Variants in BPIFB6 observed in about 807,000 individuals in gnomAD.
BPIFB6 encodes the protein BPI fold containing family B member 6, also known as BPI fold-containing family B member 6.
BPIFB6 carries 47 observed loss-of-function variants against 54.7 expected under a neutral mutation model. The observed-to-expected ratio is 0.86, with a 90% CI of 0.68 to 1.10. The LOEUF is 1.10. Ranked by LOEUF, BPIFB6 falls within the 50% of genes least tolerant of loss-of-function variation. BPIFB6 has a pLI of 0.00. For missense variants in BPIFB6, 603 were observed against 564.1 expected (o/e 1.07, Z -0.70); for synonymous variants, 255 against 225.9 (o/e 1.13, Z -1.16).
rs775834459 is a variant in BPIFB6, at chr20:33,039,429, G to A, written c.983G>A (p.Gly328Asp). 16 of 1,614,070 alleles carry A rather than the reference G, an allele frequency of 9.9e-6. No homozygotes were observed. The highest frequency in any genetic ancestry group is 1.3e-5 in the Non-Finnish European group (15 of 1,180,036). The change falls in exon 10 of 15, where the codon GGC becomes GAC. Residue 328 changes from glycine (G) to aspartate (D), a missense_variant. Transcript: ENST00000349552. ...CCTCCCAAGGTCACTATGAAGACAG[G>A]CAAGAGCCTGCTGCACCTCCACAGC... ...KKPPKVTMKT[G>D]KSLLHLHSTL...
chr20:33,035,489 C>T, intron 5 of BPIFB6, 123 bp from the exon 6 acceptor site: 1 of 988,522 alleles, frequency 1.0e-6, no homozygotes, highest in Non-Finnish European at 1.6e-6. Context: ...GACTTGGGAC[C>T]TCAGTTTTCT....
Position 33,038,580 on chromosome 20 carries a change from G to A in BPIFB6, c.847-329G>A, listed in dbSNP as rs138068061. Among the ~76,000 whole-genome samples the A allele has an allele frequency of 5.5e-3, 840 of 152,006 alleles. 4 individuals are homozygous for A. The highest frequency in any genetic ancestry group is 0.018 in the African/African-American group (754 of 41,424). On this transcript the variant is annotated intron_variant, in intron 8 of 14. Transcript: ENST00000349552. ...CATTTACCCACTCCTCTGTTTATCC[G>A]TTTCCCCATCCATCTGTCTATTCAT...
intron 7 of BPIFB6, among the ~76,000 whole-genome samples, chr20:33,037,213 C>T (rs553459750): frequency 5.3e-5 from 8 of 152,184 alleles, no homozygotes; most frequent in South Asian, 2.1e-4. Flanking sequence ...GATTCTTACA[C>T]GCCCCGTGTC....
chr20:33,039,671 T>C (rs1979495289), intron 10 of BPIFB6, 151 bp downstream of exon 10: 1 of 911,716 alleles, frequency 1.1e-6, no homozygotes. Context: ...ACTGAACCTT[T>C]GAATGGCTGG....
At chr20:33,042,793 G>C (rs1457459186) in intron 12 of BPIFB6, 22 bp from the exon 13 acceptor site, 1 of 1,609,918 alleles carries the variant, frequency 6.2e-7, no homozygotes, top group Non-Finnish European at 8.5e-7. Flanking sequence ...GAATGTGGAT[G>C]CTTTCTCTTT....
At chr20:33,035,720 A>T (rs1979309694) in intron 6 of BPIFB6, 48 bp downstream of exon 6, 1 of 1,568,448 alleles carries the variant, frequency 6.4e-7, no homozygotes, top group African/African-American at 1.4e-5. Flanking sequence ...GGATATCAGG[A>T]TAGATAGACT....
chr20:33,034,963 C>A, intron 4 of BPIFB6, 51 bp downstream of exon 4: 1 of 1,604,834 alleles, frequency 6.2e-7, no homozygotes, highest in Non-Finnish European at 8.5e-7. Context: ...TGCTATACCC[C>A]CCAGCATATC....
intron 10 of BPIFB6, 43 bp from the exon 11 acceptor site, chr20:33,040,208 G>T (rs780522736): frequency 6.3e-7 from 1 of 1,583,966 alleles, no homozygotes; most frequent in South Asian, 1.1e-5. Context: ...CCTGATGGTG[G>T]GGAACCCACT....
chr20:33,039,078 G>A (rs1205525616), intron 9 of BPIFB6, 116 bp downstream of exon 9: 13 of 1,233,182 alleles, frequency 1.1e-5, no homozygotes, highest in Non-Finnish European at 1.5e-5. Context: ...CTTGTCCAAT[G>A]CTGAAACATC....
Position 33,037,627 on chromosome 20 carries a change from C to T in BPIFB6, c.735C>T (p.Phe245=). The part of the protein sequence containing the change: ...KLADAGEALT[F]PEGYAKGSSQ... ...CTGATGCCGGGGAGGCCCTCACGTTCCCTGAGGGTTATGCCAAAGGCTCGT... is the reference window on the plus strand; with the variant it reads ...CTGATGCCGGGGAGGCCCTCACGTTTCCTGAGGGTTATGCCAAAGGCTCGT... The change falls in exon 8 of 15, where the codon TTC becomes TTT. Residue 245 remains phenylalanine (F), a synonymous_variant. Transcript: ENST00000349552. 1 of 1,614,096 alleles carries T rather than the reference C, an allele frequency of 6.2e-7. No individual in the cohort carries two copies. The highest frequency in any genetic ancestry group is 1.7e-5 in the Admixed American group (1 of 60,004).
At position 33,034,747 on chromosome 20, in the gene BPIFB6, C is replaced by G; in HGVS notation, c.303-16C>G. ...TGGCAGAGATGCCCATGGTGCCCTC[C>G]TGCTCTGTCCTCCAGCTTCATGGGA... On this transcript the variant is annotated splice_polypyrimidine_tract_variant and intron_variant, in intron 3 of 14. Coordinates refer to ENST00000349552, the MANE Select transcript of BPIFB6 (RefSeq NM_174897.2). 1 of 1,596,182 alleles carries G rather than the reference C, an allele frequency of 6.3e-7. No individual in the cohort carries two copies. The highest frequency in any genetic ancestry group is 8.6e-7 in the Non-Finnish European group (1 of 1,167,746).
At chr20:33,033,512 G>T (rs546912217) in intron 2 of BPIFB6, 2 of 454,066 alleles carry the variant, frequency 4.4e-6, no homozygotes, top group Non-Finnish European at 8.9e-6. Context: ...TGCCTGAAAC[G>T]ATGCACTTGG....
At chr20:33,040,985 C>CTTTT (rs59134684) in intron 11 of BPIFB6, among the ~76,000 whole-genome samples, 17 of 116,834 alleles carry the variant, frequency 1.5e-4, no homozygotes, top group South Asian at 2.9e-4. Context: ...AGGAGTAGTT[C>CTTTT]TTTTTTTTTT....
At chr20:33,043,155 T>A in intron 13 of BPIFB6, 136 bp from the exon 14 acceptor site, 1 of 816,828 alleles carries the variant, frequency 1.2e-6, no homozygotes, top group Non-Finnish European at 2.1e-6. Flanking sequence ...TCAGGCTTAT[T>A]AGCTCTTTGC....
intron 7 of BPIFB6, 26 bp from the exon 8 acceptor site, chr20:33,037,536 A>G (rs550363872): frequency 3.8e-6 from 6 of 1,585,852 alleles, no homozygotes; most frequent in Non-Finnish European, 5.2e-6. Flanking sequence ...GCCAAGGCTG[A>G]GTGTCTCCCT....
rs780411105 is a variant in BPIFB6 at position 33,037,666 on chromosome 20, C to T, written c.774C>T (p.Leu258=). Reference sequence around the variant, plus strand: ...CCAAAGGCTCGTCGCAGCTGCTGCTCCCAGCCACCTTCCTCTCTGCAGAGC... The same window carrying T: ...CCAAAGGCTCGTCGCAGCTGCTGCTTCCAGCCACCTTCCTCTCTGCAGAGC... The part of the protein sequence containing the change: ...GYAKGSSQLL[L]PATFLSAELA... Residue 258 remains leucine, a synonymous_variant, in exon 8 of 15, where the codon CTC becomes CTT. Transcript: ENST00000349552. 6.2e-7 allele frequency: 1 copy of T among 1,614,096 alleles called. No individual in the cohort carries two copies. The highest frequency in any genetic ancestry group is 8.5e-7 in the Non-Finnish European group (1 of 1,180,022).
rs886521829 is a variant in BPIFB6 at position 33,032,898 on chromosome 20, G to A, written c.98-86G>A. The A allele has an allele frequency of 9.4e-6, 10 of 1,066,338 alleles. No homozygotes were observed. In the East Asian group the frequency reaches 2.2e-4, roughly 23 times the overall value. The allele number at this position is 1,066,338 out of a possible 1,614,324, so 66.1% of individuals were successfully genotyped here. The stretch of plus-strand genomic sequence containing the variant: ...GGGTCTCTGCCATCGTCCAGCCCAG[G>A]GTGGGGCACAGTGACGGTGAGTGGC... On this transcript the variant is annotated intron_variant, in intron 1 of 14. Transcript: ENST00000349552.
chr20:33,032,939 G>C, intron 1 of BPIFB6, 45 bp from the exon 2 acceptor site: 1 of 1,503,658 alleles, frequency 6.7e-7, no homozygotes, highest in South Asian at 1.1e-5. Context: ...ATACCTGAGT[G>C]ATTGGCCCAG....
intron 3 of BPIFB6, 97 bp from the exon 4 acceptor site, chr20:33,034,666 C>T: frequency 7.2e-7 from 1 of 1,396,944 alleles, no homozygotes; most frequent in Non-Finnish European, 9.7e-7. Context: ...CCTACCCTTT[C>T]TCCCTCTCAG....
Sources: gnomAD v4.1 joint callset for allele counts (sites outside exome capture counted in the v4.1 genomes callset) on GRCh38, gnomAD v4.1.1 for gene constraint, MANE v1.5 for transcripts, NCBI Gene and HGNC (gene_info 2026-07-23, HGNC 2026-07-21) for gene names.